Variants in KYNU observed in about 807,000 individuals in gnomAD.
KYNU encodes the protein L-kynurenine hydrolase.
Under a neutral mutation model 59.2 loss-of-function variants are expected in KYNU, and 54 were observed. The observed-to-expected ratio is 0.91, with a 90% CI of 0.73 to 1.14. KYNU has a LOEUF of 1.14. KYNU is among the 50% of genes most tolerant of loss of function. KYNU has a pLI of 0.00. For missense variants in KYNU, 567 were observed against 554.4 expected, an observed-to-expected ratio of 1.02 and a Z score of -0.23; for synonymous variants, 177 against 192.0, an observed-to-expected ratio of 0.92 and a Z score of 0.65.
chr2:142,900,632 T>G (rs139620973), intron 2 of KYNU, among the ~76,000 whole-genome samples: 2 of 152,208 alleles, frequency 1.3e-5, no homozygotes, highest in African/African-American at 4.8e-5. Context: ...CCTTCCCAGC[T>G]AGGCTTAGGA....
intron 2 of KYNU, among the ~76,000 whole-genome samples, chr2:142,910,769 C>T (rs1682455550): frequency 6.6e-6 from 1 of 152,122 alleles, no homozygotes; most frequent in Admixed American, 6.5e-5. Context: ...GGTAGGGGTC[C>T]AGTTCCATTC....
chr2:143,032,431 A>T (rs1451850243), intron 11 of KYNU, among the ~76,000 whole-genome samples: 1 of 152,096 alleles, frequency 6.6e-6, no homozygotes, highest in Non-Finnish European at 1.5e-5. Flanking sequence ...CCCTCGACAT[A>T]TGGGGATTAC....
At chr2:142,974,638 C>T (rs1435932459) in intron 8 of KYNU, among the ~76,000 whole-genome samples, 1 of 152,202 alleles carries the variant, frequency 6.6e-6, no homozygotes, top group Non-Finnish European at 1.5e-5. Flanking sequence ...ATGTAAATCA[C>T]ATTGCTGGAA....
intron 12 of KYNU, among the ~76,000 whole-genome samples, chr2:143,036,123 G>T (rs1208092655): frequency 1.3e-5 from 2 of 151,680 alleles, no homozygotes; most frequent in Non-Finnish European, 2.9e-5. Flanking sequence ...GGAACTCCTG[G>T]CCTCAAGCGA....
At chr2:142,950,467 C>A (rs1045499144) in intron 4 of KYNU, among the ~76,000 whole-genome samples, 1 of 152,148 alleles carries the variant, frequency 6.6e-6, no homozygotes, top group Non-Finnish European at 1.5e-5. Context: ...CAAGGAGGAG[C>A]AAATCACATC....
At position 142,885,491 on chromosome 2, in the gene KYNU, T is replaced by C. The variant is rs779601985; in HGVS notation, c.124T>C (p.Phe42Leu). ...HLDEEDKLRH[F>L]RECFYIPKIQ... ...AGATGAGGAAGATAAGCTGAGGCAC[T>C]TCAGGGAGTGCTTTTATATTCCCAA... The change falls in exon 2 of 14, where the codon TTC becomes CTC. Residue 42 changes from phenylalanine to leucine, a missense_variant. By Grantham distance (22) the Phe-to-Leu change is conservative. Coordinates refer to ENST00000264170, the MANE Select transcript of KYNU (RefSeq NM_003937.3). The C allele has an allele frequency of 3.7e-6, 6 of 1,613,870 alleles. No homozygotes were observed. The highest frequency in any genetic ancestry group is 5.1e-6 in the Non-Finnish European group (6 of 1,180,008).
chr2:143,051,020 ATGTTCTCTTCCCACTAATAAT>A lies in KYNU; in HGVS notation c.*8850_*8870del, dbSNP rs1445727397. On this transcript the variant is annotated 3_prime_UTR_variant, in exon 14 of 14. Transcript: ENST00000264170. Reference sequence around the variant, plus strand: ...GTGCACTGTGTGTATGATATGCTCTATGTTCTCTTCCCACTAATAATTTTATTTTTAATTTCAGCAAGATTT... The same window carrying A: ...GTGCACTGTGTGTATGATATGCTCTATTTATTTTTAATTTCAGCAAGATTT... 1.3e-5 allele frequency: 2 copies of A among 152,210 alleles called. No homozygotes were observed. The highest frequency in any genetic ancestry group is 6.5e-5 in the Admixed American group (1 of 15,278). 9.4% of individuals were successfully genotyped at this position (152,210 alleles called of 1,614,324 possible).
intron 3 of KYNU, among the ~76,000 whole-genome samples, chr2:142,925,503 C>A (rs957462077): frequency 2.0e-5 from 3 of 152,130 alleles, no homozygotes; most frequent in Non-Finnish European, 4.4e-5. Context: ...ACTATGTAAC[C>A]GTCTCTTTCA....
rs150092193 is a variant in KYNU, at chr2:142,897,044, G to A, written c.169+11508G>A. ...CCCATAATTTATTTAGAAGTGTGTT[G>A]TTTAATTTCCAAGTATTTGAACATT... On this transcript the variant is annotated intron_variant, in intron 2 of 13. Transcript: ENST00000264170. Among the ~76,000 whole-genome samples, 20 of 152,248 alleles carry A rather than the reference G, an allele frequency of 1.3e-4. No individual in the cohort carries two copies. The East Asian group carries it at 3.9e-3, about 29-fold the overall frequency.
At chr2:142,978,325 C>T (rs1438539081) in intron 8 of KYNU, among the ~76,000 whole-genome samples, 1 of 151,942 alleles carries the variant, frequency 6.6e-6, no homozygotes, top group East Asian at 1.9e-4. Context: ...TAATATTGTC[C>T]AAATTTATAG....
intron 4 of KYNU, among the ~76,000 whole-genome samples, chr2:142,953,745 A>T: frequency 6.6e-6 from 1 of 152,202 alleles, no homozygotes; most frequent in South Asian, 2.1e-4. Flanking sequence ...TCAAATGGAG[A>T]AATCTATGTG....
intron 2 of KYNU, among the ~76,000 whole-genome samples, chr2:142,905,440 C>T (rs1682258978): frequency 6.6e-6 from 1 of 152,184 alleles, no homozygotes; most frequent in African/African-American, 2.4e-5. Context: ...GAGGAAGCAT[C>T]TATCCTTGTG....
At chr2:142,990,795 A>G (rs1158524287) in intron 10 of KYNU, among the ~76,000 whole-genome samples, 2 of 151,904 alleles carry the variant, frequency 1.3e-5, no homozygotes, top group Non-Finnish European at 2.9e-5. Context: ...AATCATGCCA[A>G]CACATTTCCA....
In KYNU at chr2:142,888,669, C is replaced by T. The variant is rs567135707; in HGVS notation, c.169+3133C>T. Among the ~76,000 whole-genome samples the T allele has an allele frequency of 3.0e-4, 46 of 151,852 alleles. 1 individual carries two copies. Among genetic ancestry groups the T allele is most frequent in the Non-Finnish European group, 4.9e-4 (33 of 67,964 alleles). On this transcript the variant is annotated intron_variant, in intron 2 of 13. Coordinates refer to ENST00000264170, the MANE Select transcript of KYNU (RefSeq NM_003937.3). ...GAGGCCCAGCCTTCTATTCTAGATC[C>T]TCTAGGATAAGATGGTATCCTAGAG...
In KYNU at chr2:142,922,576, A is replaced by C. The variant is rs892436909; in HGVS notation, c.290+3847A>C. ...CAACAAAGCAAGATTTTACACAGGC[A>C]TATAGATGTCAAATCTCTGTCTATC... On this transcript the variant is annotated intron_variant, in intron 3 of 13. Transcript: ENST00000264170. Among the ~76,000 whole-genome samples, 5 of 152,336 alleles carry C rather than the reference A, an allele frequency of 3.3e-5. No individual in the cohort carries two copies. In the East Asian group the frequency reaches 7.7e-4, roughly 24 times the overall value.
chr2:143,018,028 T>C (rs1686310259), intron 10 of KYNU, among the ~76,000 whole-genome samples: 1 of 152,204 alleles, frequency 6.6e-6, no homozygotes, highest in South Asian at 2.1e-4. Flanking sequence ...TCCCTATAGA[T>C]TCTGGATATT....
chr2:142,905,500 A>T (rs71423222), intron 2 of KYNU, among the ~76,000 whole-genome samples: 3,620 of 152,342 alleles, frequency 0.024, 88 homozygotes, highest in African/African-American at 0.063. Flanking sequence ...TATGGTAATT[A>T]AGATTTAAAT....
intron 2 of KYNU, among the ~76,000 whole-genome samples, chr2:142,906,258 G>A (rs1682294021): frequency 6.6e-6 from 1 of 152,206 alleles, no homozygotes; most frequent in Non-Finnish European, 1.5e-5. Context: ...TGTAGACCCA[G>A]TTCCAGAAGT....
At chr2:143,012,747 A>T (rs755851414) in intron 10 of KYNU, among the ~76,000 whole-genome samples, 1 of 152,094 alleles carries the variant, frequency 6.6e-6, no homozygotes, top group African/African-American at 2.4e-5. Flanking sequence ...TGAATCCCAA[A>T]TATAATACAA....
Sources: allele counts gnomAD v4.1 joint callset (sites outside exome capture counted in the v4.1 genomes callset), GRCh38; gene constraint gnomAD v4.1.1; transcripts MANE v1.5; gene names NCBI Gene and HGNC (gene_info 2026-07-23, HGNC 2026-07-21).